Variants in GALNTL6 observed in about 807,000 individuals in gnomAD.
GALNTL6 encodes polypeptide N-acetylgalactosaminyltransferase-like 6.
Under a neutral mutation model 73.7 loss-of-function variants are expected in GALNTL6, and 46 were observed. The observed-to-expected ratio is 0.62, with a 90% CI of 0.49 to 0.80. The LOEUF (loss-of-function observed/expected upper bound fraction) is 0.80, where lower values mean the gene tolerates loss of function less well. GALNTL6 is among the 30% of genes least tolerant of loss of function. The probability of loss-of-function intolerance (pLI) is 0.00; values close to 1 mark genes in which losing one functional copy is unlikely to be tolerated. For synonymous variants in GALNTL6, 259 were observed against 263.7 expected, an observed-to-expected ratio of 0.98 and a Z score of 0.17; for missense variants, 604 against 755.0, an observed-to-expected ratio of 0.80 and a Z score of 2.34.
intron 5 of GALNTL6, among the ~76,000 whole-genome samples, chr4:172,584,119 C>A (rs1737312487): frequency 6.7e-6 from 1 of 149,192 alleles, no homozygotes; most frequent in Non-Finnish European, 1.5e-5. Flanking sequence ...AGAACAGGGA[C>A]AAATAAGTAA....
intron 10 of GALNTL6, among the ~76,000 whole-genome samples, chr4:172,966,442 TG>T (rs1188192663): frequency 6.6e-6 from 1 of 151,694 alleles, no homozygotes; most frequent in Non-Finnish European, 1.5e-5. Context: ...TCACGCAGGC[TG>T]GAGTGCAGTC....
At chr4:172,111,404 A>C (rs1439457739) in intron 2 of GALNTL6, among the ~76,000 whole-genome samples, 1 of 152,064 alleles carries the variant, frequency 6.6e-6, no homozygotes, top group Admixed American at 6.6e-5. Flanking sequence ...GATTTCTGAT[A>C]AATTATTTTT....
chr4:172,001,178 A>G (rs550729877), intron 2 of GALNTL6, among the ~76,000 whole-genome samples: 8 of 152,294 alleles, frequency 5.3e-5, no homozygotes, highest in African/African-American at 1.9e-4. Flanking sequence ...TTTCCAGAAG[A>G]TATTATTTTT....
At chr4:172,779,852 ATT>A (rs796421242) in intron 5 of GALNTL6, among the ~76,000 whole-genome samples, 2 of 151,710 alleles carry the variant, frequency 1.3e-5, no homozygotes, top group Non-Finnish European at 2.9e-5. Context: ...CTTTAGAGAG[ATT>A]TTTTTTTCCC....
chr4:172,877,528 TTAG>T (rs1561008560), intron 7 of GALNTL6, among the ~76,000 whole-genome samples: 1 of 152,018 alleles, frequency 6.6e-6, no homozygotes. Context: ...AAGAATGGTT[TTAG>T]TACACTTTAC....
chr4:172,619,627 A>G (rs1434263486), intron 5 of GALNTL6, among the ~76,000 whole-genome samples: 1 of 152,236 alleles, frequency 6.6e-6, no homozygotes, highest in African/African-American at 2.4e-5. Context: ...GCAACAGTAC[A>G]GTATCTCAAA....
At chr4:172,886,156 A>G (rs950033887) in intron 8 of GALNTL6, among the ~76,000 whole-genome samples, 2 of 152,196 alleles carry the variant, frequency 1.3e-5, no homozygotes, top group East Asian at 1.9e-4. Flanking sequence ...GAAATCAGTA[A>G]TTAATCCATC....
chr4:172,479,092 G>A (rs1266064822), intron 5 of GALNTL6, among the ~76,000 whole-genome samples: 5 of 152,160 alleles, frequency 3.3e-5, no homozygotes, highest in Admixed American at 6.5e-5. Context: ...AGCCTCTATG[G>A]AAAGCCATGT....
intron 2 of GALNTL6, among the ~76,000 whole-genome samples, chr4:171,847,771 C>G (rs1401004671): frequency 6.6e-6 from 1 of 152,188 alleles, no homozygotes; most frequent in East Asian, 1.9e-4. Context: ...CCAACTCAGT[C>G]ACATCTTCAA....
chr4:171,933,292 T>C (rs1738243194), intron 2 of GALNTL6, among the ~76,000 whole-genome samples: 2 of 152,206 alleles, frequency 1.3e-5, no homozygotes, highest in Admixed American at 1.3e-4. Context: ...ATATTTCTGT[T>C]TTTCAATAAG....
chr4:172,429,142 C>T (rs1044212291), intron 5 of GALNTL6, among the ~76,000 whole-genome samples: 1 of 143,994 alleles, frequency 6.9e-6, no homozygotes, highest in African/African-American at 2.5e-5. Context: ...AATCACCTCC[C>T]CAAAGCCCCA....
chr4:171,866,599 T>C (rs1159733607), intron 2 of GALNTL6, among the ~76,000 whole-genome samples: 1 of 151,970 alleles, frequency 6.6e-6, no homozygotes, highest in African/African-American at 2.4e-5. Context: ...TTCAGCCTGC[T>C]GTAACAAAGT....
chr4:171,834,589 A>G (rs1735053759), intron 2 of GALNTL6, among the ~76,000 whole-genome samples: 1 of 152,040 alleles, frequency 6.6e-6, no homozygotes, highest in Non-Finnish European at 1.5e-5. Flanking sequence ...AGGATACAAT[A>G]TGTAGTGGTT....
intron 3 of GALNTL6, among the ~76,000 whole-genome samples, chr4:172,281,432 C>T (rs1055936061): frequency 6.6e-6 from 1 of 152,104 alleles, no homozygotes; most frequent in Non-Finnish European, 1.5e-5. Flanking sequence ...GTGATGTTCA[C>T]GCCTGTAATC....
In GALNTL6 at chr4:172,031,846, G is replaced by T. The variant is rs147901613; in HGVS notation, c.139-197810G>T. Among the ~76,000 whole-genome samples, 441 of 152,042 alleles carry T rather than the reference G, an allele frequency of 2.9e-3. 1 individual carries two copies. Among genetic ancestry groups the T allele is most frequent in the African/African-American group, 0.01 (429 of 41,502 alleles). On this transcript the variant is annotated intron_variant, in intron 2 of 12. Coordinates refer to ENST00000506823, the MANE Select transcript of GALNTL6 (RefSeq NM_001034845.3). ...ATTTATATATAAAGTACCACAGATG[G>T]ATGTTTATATTAGATATAATAACTT... is the stretch of plus-strand genomic sequence containing the variant.
At chr4:172,680,128 T>C (rs1732547974) in intron 5 of GALNTL6, among the ~76,000 whole-genome samples, 1 of 152,184 alleles carries the variant, frequency 6.6e-6, no homozygotes, top group Admixed American at 6.5e-5. Flanking sequence ...GTAACAATAA[T>C]AGTGGCAAAT....
chr4:171,922,551 T>C (rs1415621806), intron 2 of GALNTL6, among the ~76,000 whole-genome samples: 1 of 151,850 alleles, frequency 6.6e-6, no homozygotes, highest in Non-Finnish European at 1.5e-5. Flanking sequence ...TTTTTTACAT[T>C]GCTCCTTTTA....
intron 2 of GALNTL6, among the ~76,000 whole-genome samples, chr4:171,956,307 T>C (rs373772): frequency 0.48 from 72,319 of 152,022 alleles, 17,697 homozygotes; most frequent in Middle Eastern, 0.6. Flanking sequence ...TACCCAGCCA[T>C]TTATTAGTAC....
intron 2 of GALNTL6, among the ~76,000 whole-genome samples, chr4:171,835,924 G>T (rs1422475119): frequency 6.6e-6 from 1 of 151,974 alleles, no homozygotes; most frequent in African/African-American, 2.4e-5. Context: ...AAATGTTATT[G>T]TAAGATAGGG....
Sources: allele counts gnomAD v4.1 joint callset (sites outside exome capture counted in the v4.1 genomes callset), GRCh38; gene constraint gnomAD v4.1.1; transcripts MANE v1.5; gene names NCBI Gene and HGNC (gene_info 2026-07-23, HGNC 2026-07-21).